The following L3MBTL4 variants were observed in gnomAD, a reference collection of about 807,000 sequenced individuals.
L3MBTL4 encodes L3MBTL histone methyl-lysine binding protein 4, also known as lethal(3)malignant brain tumor-like protein 4.
In L3MBTL4, 70 loss-of-function variants were observed where a neutral mutation model predicts 84.5. The ratio of observed to expected loss-of-function variants is 0.83; its 90% CI spans 0.68 to 1.01. The LOEUF (loss-of-function observed/expected upper bound fraction) is 1.01, where lower values mean the gene tolerates loss of function less well. Among genes scored for constraint, L3MBTL4 ranks in the 50% least tolerant of loss-of-function variants. L3MBTL4 has a pLI of 0.00. For missense variants in L3MBTL4, 715 were observed against 754.8 expected, an observed-to-expected ratio of 0.95 and a Z score of 0.62; for synonymous variants, 274 against 259.8, an observed-to-expected ratio of 1.05 and a Z score of -0.52.
At chr18:6,326,261 G>A (rs1312666560) in intron 1 of L3MBTL4, among the ~76,000 whole-genome samples, 1 of 152,188 alleles carries the variant, frequency 6.6e-6, no homozygotes, top group Non-Finnish European at 1.5e-5. Context: ...GGTGTCTACT[G>A]TAAGAATATC....
intron 13 of L3MBTL4, among the ~76,000 whole-genome samples, chr18:6,140,723 C>G (rs1031966043): frequency 2.6e-5 from 4 of 152,022 alleles, no homozygotes; most frequent in African/African-American, 9.7e-5. Context: ...GACTATTGAC[C>G]AACATTTAAA....
Position 6,075,844 on chromosome 18 carries a change from A to G in L3MBTL4, c.1444+5037T>C, listed in dbSNP as rs539387618. On this transcript the variant is annotated intron_variant, in intron 16 of 18. Coordinates refer to ENST00000317931, the MANE Select transcript of L3MBTL4 (RefSeq NM_001330559.2). Reference sequence around the variant, plus strand: ...AATGTAAAAGACAAATGAGAAAGATACTTCATAAAAGAAGATATTCAAATA... The same window carrying G: ...AATGTAAAAGACAAATGAGAAAGATGCTTCATAAAAGAAGATATTCAAATA... 7.2e-5 allele frequency among the ~76,000 whole-genome samples: 11 copies of G among 152,314 alleles called. No individual in the cohort carries two copies. The South Asian group carries it at 1.7e-3, about 23-fold the overall frequency.
At chr18:6,071,279 T>C (rs2057584782) in intron 16 of L3MBTL4, among the ~76,000 whole-genome samples, 1 of 151,556 alleles carries the variant, frequency 6.6e-6, no homozygotes, top group South Asian at 2.1e-4. Flanking sequence ...TAATCCCAGC[T>C]ACTTGTGAGG....
intron 13 of L3MBTL4, among the ~76,000 whole-genome samples, chr18:6,147,245 C>A (rs2042695048): frequency 6.6e-6 from 1 of 151,944 alleles, no homozygotes; most frequent in African/African-American, 2.4e-5. Flanking sequence ...TACCCTTGAA[C>A]ATTGGAGAAT....
intron 12 of L3MBTL4, among the ~76,000 whole-genome samples, chr18:6,173,230 T>C (rs906543651): frequency 3.3e-5 from 5 of 152,112 alleles, no homozygotes; most frequent in African/African-American, 1.2e-4. Flanking sequence ...GTAATAACCA[T>C]AAAACTGGAC....
At chr18:6,290,537 T>A (rs1217052150) in intron 4 of L3MBTL4, among the ~76,000 whole-genome samples, 1 of 136,438 alleles carries the variant, frequency 7.3e-6, no homozygotes, top group Non-Finnish European at 1.6e-5. Context: ...TTTTTTTTTT[T>A]AATTTTTTGA....
chr18:6,087,676 A>G (rs901029384), intron 15 of L3MBTL4, among the ~76,000 whole-genome samples: 1 of 152,194 alleles, frequency 6.6e-6, no homozygotes, highest in Non-Finnish European at 1.5e-5. Flanking sequence ...CAAATAAATA[A>G]AGGTCTAAAT....
intron 14 of L3MBTL4, among the ~76,000 whole-genome samples, chr18:6,114,545 G>A (rs748976522): frequency 2.0e-5 from 3 of 152,058 alleles, no homozygotes; most frequent in Non-Finnish European, 4.4e-5. Context: ...TGTAGATTCT[G>A]TCATAGTGCC....
Position 6,239,790 on chromosome 18 carries a change from G to C in L3MBTL4, c.635C>G (p.Ala212Gly). 6.2e-7 allele frequency: 1 copy of C among 1,614,034 alleles called. No homozygotes were observed. Among genetic ancestry groups the C allele is most frequent in the South Asian group, 1.1e-5 (1 of 91,084 alleles). The change falls in exon 9 of 19, where the codon GCG becomes GGG. Residue 212 changes from alanine (A) to glycine (G), a missense_variant. By Grantham distance (60) the Ala-to-Gly change is moderately conservative. Transcript: ENST00000317931. ...DRKNPSLVCV[A>G]TIADIVEDRL... ...ATCTTCAACAATATCTGCTATGGTC[G>C]CCACACACACCAAGGAAGGGTTCTT...
chr18:6,273,886 C>G (rs2048974905), intron 4 of L3MBTL4, among the ~76,000 whole-genome samples: 1 of 152,246 alleles, frequency 6.6e-6, no homozygotes, highest in Non-Finnish European at 1.5e-5. Flanking sequence ...GGTGACTCAA[C>G]AGTTTATTCA....
chr18:6,344,481 C>T (rs576502460), intron 1 of L3MBTL4, among the ~76,000 whole-genome samples: 9 of 152,302 alleles, frequency 5.9e-5, no homozygotes, highest in Middle Eastern at 3.4e-3. Flanking sequence ...AACACCAATC[C>T]TTCTCAAACC....
In L3MBTL4 at chr18:6,290,769, C is replaced by G. The variant is rs943429321; in HGVS notation, c.127+11134G>C. Among the ~76,000 whole-genome samples, 3 of 151,960 alleles carry G rather than the reference C, an allele frequency of 2.0e-5. No individual in the cohort carries two copies. The East Asian group carries it at 5.8e-4, about 29-fold the overall frequency. On this transcript the variant is annotated intron_variant, in intron 4 of 18. Coordinates refer to ENST00000317931, the MANE Select transcript of L3MBTL4 (RefSeq NM_001330559.2). ...TCTCGAACTCCTGACCTCAGGTGAT[C>G]CACCCGTCTCGGCCTCCCAAACTAC... is the stretch of plus-strand genomic sequence containing the variant.
chr18:6,191,196 G>A (rs1464934305), intron 12 of L3MBTL4, among the ~76,000 whole-genome samples: 1 of 152,210 alleles, frequency 6.6e-6, no homozygotes, highest in East Asian at 1.9e-4. Flanking sequence ...TGGGGCAGAG[G>A]GAGGTGGCTG....
intron 1 of L3MBTL4, among the ~76,000 whole-genome samples, chr18:6,392,437 T>C (rs535424005): frequency 6.0e-4 from 92 of 152,294 alleles, no homozygotes; most frequent in Non-Finnish European, 1.1e-3. Flanking sequence ...TAATCCCAGC[T>C]ACTCAGGAGG....
chr18:6,298,929 C>T (rs1211504704), intron 4 of L3MBTL4, among the ~76,000 whole-genome samples: 2 of 151,950 alleles, frequency 1.3e-5, no homozygotes, highest in African/African-American at 2.4e-5. Context: ...CTCAACCAAA[C>T]AAATACTAAT....
At chr18:6,142,886 CA>C (rs201984095) in intron 13 of L3MBTL4, among the ~76,000 whole-genome samples, 27 of 148,336 alleles carry the variant, frequency 1.8e-4, no homozygotes, top group East Asian at 3.9e-4. Flanking sequence ...GACTGTATCT[CA>C]AAAAAAAAAT....
At chr18:6,273,812 A>G (rs2048970983) in intron 4 of L3MBTL4, among the ~76,000 whole-genome samples, 1 of 152,252 alleles carries the variant, frequency 6.6e-6, no homozygotes, top group Non-Finnish European at 1.5e-5. Context: ...ACAGAATTGA[A>G]GGAGAGGGAA....
chr18:6,119,958 C>T (rs1308117124), intron 14 of L3MBTL4, among the ~76,000 whole-genome samples: 1 of 152,176 alleles, frequency 6.6e-6, no homozygotes, highest in Non-Finnish European at 1.5e-5. Flanking sequence ...AGCGAGGTCT[C>T]CTAATTCCTA....
intron 16 of L3MBTL4, among the ~76,000 whole-genome samples, chr18:5,991,745 A>G (rs2145154123): frequency 6.6e-6 from 1 of 152,186 alleles, no homozygotes; most frequent in African/African-American, 2.4e-5. Context: ...GCCACATTAG[A>G]ATGTTTGGGA....
Sources: gnomAD v4.1 joint callset for allele counts (sites outside exome capture counted in the v4.1 genomes callset) on GRCh38, gnomAD v4.1.1 for gene constraint, MANE v1.5 for transcripts, NCBI Gene and HGNC (gene_info 2026-07-23, HGNC 2026-07-21) for gene names.